The following CNNM2 variants were observed in gnomAD, a reference collection of about 807,000 sequenced individuals.
CNNM2 encodes the protein cyclin and CBS domain divalent metal cation transport mediator 2, also known as metal transporter CNNM2.
A neutral mutation model predicts 66.9 loss-of-function variants in CNNM2; 12 were observed. The ratio of observed to expected loss-of-function variants is 0.18; its 90% CI spans 0.11 to 0.29. CNNM2 has a LOEUF of 0.29. Among genes scored for constraint, CNNM2 ranks in the 10% least tolerant of loss-of-function variants. The pLI, the probability that CNNM2 is intolerant of heterozygous loss-of-function variation, is 1.00. For synonymous variants in CNNM2, 557 were observed against 501.8 expected, an observed-to-expected ratio of 1.11 and a Z score of -1.47; for missense variants, 705 against 1,167.7, an observed-to-expected ratio of 0.60 and a Z score of 5.77.
chr10:103,070,366 C>A (rs993145159), intron 5 of CNNM2, among the ~76,000 whole-genome samples: 1 of 152,066 alleles, frequency 6.6e-6, no homozygotes, highest in Non-Finnish European at 1.5e-5. Context: ...ATAATGATGC[C>A]AGCTCATGTG....
Position 103,071,769 on chromosome 10 carries a change from T to G in CNNM2, c.2168-5T>G. 1 of 1,613,682 alleles carries G rather than the reference T, an allele frequency of 6.2e-7. No homozygotes were observed. The highest frequency in any genetic ancestry group is 8.5e-7 in the Non-Finnish European group (1 of 1,179,584). On this transcript the variant is annotated splice_polypyrimidine_tract_variant and splice_region_variant and intron_variant, in intron 5 of 7. Coordinates refer to ENST00000369878, the MANE Select transcript of CNNM2 (RefSeq NM_017649.5). ...GATCTCACCCTGTTTTTCTCCATTT[T>G]TCAGTTCCTTTGTCCCTGTCTCGTA...
chr10:103,083,200 T>C lies in CNNM2; in HGVS notation c.*6020T>C, dbSNP rs2065773489. On this transcript the variant is annotated 3_prime_UTR_variant, in exon 8 of 8. Coordinates refer to ENST00000369878, the MANE Select transcript of CNNM2 (RefSeq NM_017649.5). ...GTATTCAGAGCTGTGTACATAAACC[T>C]AAATAAGCACAAATGACATGTATAG... 1.3e-5 allele frequency: 2 copies of C among 152,244 alleles called. No individual in the cohort carries two copies. The highest frequency in any genetic ancestry group is 4.1e-4 in the South Asian group (2 of 4,838). 9.4% of individuals were successfully genotyped at this position (152,244 alleles called of 1,614,324 possible).
intron 6 of CNNM2, among the ~76,000 whole-genome samples, chr10:103,072,147 G>A (rs1216091708): frequency 6.6e-6 from 1 of 152,108 alleles, no homozygotes; most frequent in African/African-American, 2.4e-5. Flanking sequence ...TGAATTTTCA[G>A]GTCAGCAGTA....
intron 6 of CNNM2, among the ~76,000 whole-genome samples, chr10:103,072,581 A>G (rs1194779475): frequency 6.6e-6 from 1 of 152,194 alleles, no homozygotes; most frequent in Non-Finnish European, 1.5e-5. Context: ...CACCCGGCAC[A>G]TTCCTATCCC....
chr10:102,919,017 G>A lies in CNNM2; in HGVS notation c.537G>A (p.Pro179=). 6.2e-7 allele frequency: 1 copy of A among 1,612,760 alleles called. No individual in the cohort carries two copies. The part of the protein sequence containing the change: ...TSGIIEIEIK[P]LRKMEKSKSY... ...GCATCATCGAGATCGAGATCAAACCGCTACGCAAGATGGAGAAGAGCAAGT... is the reference window on the plus strand; with the variant it reads ...GCATCATCGAGATCGAGATCAAACCACTACGCAAGATGGAGAAGAGCAAGT... The change falls in exon 1 of 8, where the codon CCG becomes CCA. Residue 179 remains proline (P), a synonymous_variant. Coordinates refer to ENST00000369878, the MANE Select transcript of CNNM2 (RefSeq NM_017649.5).
intron 1 of CNNM2, among the ~76,000 whole-genome samples, chr10:103,036,740 A>G (rs981442240): frequency 2.0e-5 from 3 of 152,204 alleles, no homozygotes; most frequent in Admixed American, 2.0e-4. Context: ...CAATTTTTTG[A>G]CTGAAAAATG....
chr10:102,949,126 A>G (rs1238098220), intron 1 of CNNM2, among the ~76,000 whole-genome samples: 1 of 152,134 alleles, frequency 6.6e-6, no homozygotes, highest in Non-Finnish European at 1.5e-5. Context: ...AAATTTAGGC[A>G]ATGGACTCAT....
intron 1 of CNNM2, among the ~76,000 whole-genome samples, chr10:102,933,821 C>A (rs1159512518): frequency 6.6e-6 from 1 of 151,918 alleles, no homozygotes; most frequent in South Asian, 2.1e-4. Context: ...AGATATACAC[C>A]ATCAGGCACT....
intron 1 of CNNM2, among the ~76,000 whole-genome samples, chr10:102,985,537 C>A (rs2063783385): frequency 6.6e-6 from 1 of 152,156 alleles, no homozygotes. Flanking sequence ...GACCCTGTCT[C>A]ACTTATGTTC....
At chr10:102,930,177 A>C (rs1008165993) in intron 1 of CNNM2, among the ~76,000 whole-genome samples, 5 of 152,234 alleles carry the variant, frequency 3.3e-5, no homozygotes, top group Non-Finnish European at 7.4e-5. Context: ...TAAGAAAATT[A>C]TAAATGTGAA....
intron 1 of CNNM2, among the ~76,000 whole-genome samples, chr10:102,997,140 A>G (rs193072896): frequency 6.6e-6 from 1 of 152,342 alleles, no homozygotes; most frequent in Non-Finnish European, 1.5e-5. Flanking sequence ...CCTTTCATTT[A>G]GCTCTACATT....
At chr10:103,032,449 T>A (rs1265656612) in intron 1 of CNNM2, among the ~76,000 whole-genome samples, 9 of 151,878 alleles carry the variant, frequency 5.9e-5, no homozygotes, top group African/African-American at 2.2e-4. Context: ...AGACTCCATC[T>A]CAAAAAGAAA....
chr10:102,922,453 C>G (rs1390543454), intron 1 of CNNM2, among the ~76,000 whole-genome samples: 1 of 152,072 alleles, frequency 6.6e-6, no homozygotes, highest in African/African-American at 2.4e-5. Context: ...TCAATTATGA[C>G]AGTGTTAACA....
At position 102,999,242 on chromosome 10, in the gene CNNM2, T is replaced by TTC. The variant is rs1409336550; in HGVS notation, c.1622-50464_1622-50463insCT. On this transcript the variant is annotated intron_variant, in intron 1 of 7. Coordinates refer to ENST00000369878, the MANE Select transcript of CNNM2 (RefSeq NM_017649.5). ...CCCGTCACCCTGCCCGGCTAATTTT[T>TTC]TTTTTTTTTTTTTGTATTTTTAGTA... Among the ~76,000 whole-genome samples, 8 of 149,874 alleles carry TTC rather than the reference T, an allele frequency of 5.3e-5. No homozygotes were observed. The East Asian group carries it at 1.6e-3, about 29-fold the overall frequency.
chr10:103,033,346 GC>G (rs2064867236), intron 1 of CNNM2, among the ~76,000 whole-genome samples: 1 of 151,720 alleles, frequency 6.6e-6, no homozygotes, highest in African/African-American at 2.4e-5. Flanking sequence ...CCACCACCAG[GC>G]CCACTTAATT....
intron 1 of CNNM2, among the ~76,000 whole-genome samples, chr10:103,006,406 C>T (rs1177306307): frequency 1.3e-5 from 2 of 151,888 alleles, no homozygotes; most frequent in East Asian, 3.9e-4. Flanking sequence ...TGGGTTTCAC[C>T]ATGTTGGCCA....
chr10:103,068,872 C>A (rs1307138281), intron 5 of CNNM2, 150 bp downstream of exon 5: 2 of 617,062 alleles, frequency 3.2e-6, no homozygotes, highest in Non-Finnish European at 5.7e-6. Context: ...TGCAGAAAAT[C>A]TGCACAAATC....
intron 4 of CNNM2, among the ~76,000 whole-genome samples, chr10:103,064,910 G>T (rs191672139): frequency 6.6e-6 from 1 of 152,090 alleles, no homozygotes; most frequent in Admixed American, 6.6e-5. Flanking sequence ...TGGCAACCCC[G>T]TATCTTTCCC....
chr10:103,056,257 C>CT lies in CNNM2; in HGVS notation c.1904-527dup, dbSNP rs916660677. On this transcript the variant is annotated intron_variant, in intron 3 of 7. Transcript: ENST00000369878. ...TCTTTGTAAATACTTTTGAACATTA[C>CT]TTTTTTTTTTTAAATTAGCATGTTG... Among the ~76,000 whole-genome samples, 166 of 147,944 alleles carry CT rather than the reference C, an allele frequency of 1.1e-3. 1 individual carries two copies. The highest frequency in any genetic ancestry group is 0.011 in the East Asian group (55 of 5,102).
Sources: allele counts gnomAD v4.1 joint callset (sites outside exome capture counted in the v4.1 genomes callset), GRCh38; gene constraint gnomAD v4.1.1; transcripts MANE v1.5; gene names NCBI Gene and HGNC (gene_info 2026-07-23, HGNC 2026-07-21).